SANBR: variants seen among roughly 807,000 people sequenced by gnomAD.
The protein encoded by SANBR is SANT and BTB domain regulator of CSR.
Under a neutral mutation model 101.8 loss-of-function variants are expected in SANBR, and 77 were observed. That is an observed-to-expected ratio of 0.76 (90% CI 0.63 to 0.91). SANBR has a LOEUF of 0.91. Ranked by LOEUF, SANBR falls within the 40% of genes least tolerant of loss-of-function variation. The pLI, the probability that SANBR is intolerant of heterozygous loss-of-function variation, is 0.00. For synonymous variants in SANBR, 279 were observed against 274.7 expected, an observed-to-expected ratio of 1.02 and a Z score of -0.15; for missense variants, 875 against 853.0, an observed-to-expected ratio of 1.03 and a Z score of -0.32.
At chr2:61,067,144 T>C (rs936478498) in intron 1 of SANBR, among the ~76,000 whole-genome samples, 1 of 152,224 alleles carries the variant, frequency 6.6e-6, no homozygotes, top group Non-Finnish European at 1.5e-5. Context: ...TCTGATTTCT[T>C]GGACATTCAT....
intron 1 of SANBR, among the ~76,000 whole-genome samples, chr2:61,067,164 A>G (rs568766569): frequency 6.6e-6 from 1 of 152,374 alleles, no homozygotes. Flanking sequence ...TTTAACTAGA[A>G]TTAATGCTGG....
intron 12 of SANBR, 42 bp downstream of exon 12, chr2:61,097,894 G>A (rs1469473099): frequency 2.0e-6 from 3 of 1,519,800 alleles, no homozygotes; most frequent in Admixed American, 3.6e-5. Flanking sequence ...AGTTTTTAAA[G>A]TATAACAGTA....
At chr2:61,105,663 G>A (rs2104935814) in intron 13 of SANBR, among the ~76,000 whole-genome samples, 1 of 108,814 alleles carries the variant, frequency 9.2e-6, no homozygotes, top group South Asian at 2.5e-4. Flanking sequence ...ACTGCGCCTG[G>A]CCGCACCCCC....
At chr2:61,119,850 T>C (rs1259478723) in intron 20 of SANBR, among the ~76,000 whole-genome samples, 3 of 152,102 alleles carry the variant, frequency 2.0e-5, no homozygotes, top group Non-Finnish European at 4.4e-5. Flanking sequence ...TAGTCCCAGC[T>C]ACTAGCGAGA....
At chr2:61,104,270 C>G (rs13424209) in intron 13 of SANBR, among the ~76,000 whole-genome samples, 10 of 152,004 alleles carry the variant, frequency 6.6e-5, no homozygotes, top group Non-Finnish European at 1.2e-4. Context: ...ATCACGAGGT[C>G]AGGAGATCGA....
At chr2:61,115,811 A>T (rs1684050104) in intron 16 of SANBR, 168 bp from the exon 17 acceptor site, 1 of 492,542 alleles carries the variant, frequency 2.0e-6, no homozygotes. Flanking sequence ...GAACCCCTGT[A>T]AAGCAATTTC....
chr2:61,123,755 A>G lies in SANBR; in HGVS notation c.*1593A>G. The G allele has an allele frequency of 1.0e-6, 1 of 985,570 alleles. No individual in the cohort carries two copies. The highest frequency in any genetic ancestry group is 1.2e-6 in the Non-Finnish European group (1 of 829,922). The allele number at this position is 985,570 out of a possible 1,614,324, so 61.1% of individuals were successfully genotyped here. A position where few individuals can be genotyped will look rare whatever the true frequency, so the allele number is the denominator to read the frequency against. On this transcript the variant is annotated 3_prime_UTR_variant, in exon 22 of 22. Coordinates refer to ENST00000402291, the MANE Select transcript of SANBR (RefSeq NM_001129993.3). ...TCCCCTGGGAGGCCTATACCACTGAATTAATTTTTACAAACCAGAGTTTAT... is the reference window on the plus strand; with the variant it reads ...TCCCCTGGGAGGCCTATACCACTGAGTTAATTTTTACAAACCAGAGTTTAT...
At chr2:61,133,412 T>C (rs1479470423) in intron 20 of SANBR, among the ~76,000 whole-genome samples, 1 of 152,146 alleles carries the variant, frequency 6.6e-6, no homozygotes, top group Non-Finnish European at 1.5e-5. Context: ...CTAAATGTCA[T>C]TAAATTGTAC....
intron 1 of SANBR, among the ~76,000 whole-genome samples, chr2:61,067,566 T>C (rs918346385): frequency 3.9e-5 from 6 of 152,196 alleles, no homozygotes; most frequent in Middle Eastern, 3.4e-3. Context: ...TGAAACCCTG[T>C]CTCTACTAAA....
intron 11 of SANBR, chr2:61,093,959 CAAAT>C (rs1403222152): frequency 4.0e-6 from 1 of 252,910 alleles, no homozygotes; most frequent in East Asian, 1.8e-4. Context: ...GAGTTTTCGA[CAAAT>C]AATTTCTTTT....
Position 61,067,685 on chromosome 2 carries a change from G to A in SANBR, c.-146-1164G>A, listed in dbSNP as rs536801585. The stretch of plus-strand genomic sequence containing the variant: ...CGGGAGGCGGAGGTTGCAGTGAGCC[G>A]AGATCGCGCCACTGCACTCTGGCCT... On this transcript the variant is annotated intron_variant, in intron 1 of 21. Transcript: ENST00000402291. Among the ~76,000 whole-genome samples the A allele has an allele frequency of 3.9e-5, 6 of 152,248 alleles. No individual in the cohort carries two copies. In the East Asian group the frequency reaches 1.2e-3, roughly 29 times the overall value.
chr2:61,121,670 T>C (rs1684336637), intron 21 of SANBR: 1 of 171,642 alleles, frequency 5.8e-6, no homozygotes, highest in South Asian at 1.6e-4. Context: ...ATCTAACTGA[T>C]GGGTCTTATG....
downstream of SANBR, among the ~76,000 whole-genome samples, chr2:61,125,603 CTCTT>C (rs1684491311): frequency 6.6e-6 from 1 of 152,188 alleles, no homozygotes; most frequent in Non-Finnish European, 1.5e-5. Flanking sequence ...AACAGCAGCT[CTCTT>C]TCTAAGATGT....
In SANBR at chr2:61,103,957, C is replaced by T. The variant is rs768461123; in HGVS notation, c.1470C>T (p.Tyr490=). 3.1e-6 allele frequency: 5 copies of T among 1,614,164 alleles called. No individual in the cohort carries two copies. Among genetic ancestry groups the T allele is most frequent in the Non-Finnish European group, 4.2e-6 (5 of 1,180,016 alleles). The change falls in exon 13 of 22, where the codon TAC becomes TAT. Residue 490 remains tyrosine, a synonymous_variant. Coordinates refer to ENST00000402291, the MANE Select transcript of SANBR (RefSeq NM_001129993.3). The part of the protein sequence containing the change: ...TARMLDDLHK[Y]RDVIVVPFSK... ...GAATGTTGGACGATTTGCACAAGTA[C>T]AGAGATGTCATTGTTGTGCCTTTTT...
chr2:61,128,730 G>A (rs1684589757), downstream of SANBR, among the ~76,000 whole-genome samples: 2 of 152,124 alleles, frequency 1.3e-5, no homozygotes, highest in South Asian at 4.1e-4. Flanking sequence ...CTGACCTCAG[G>A]TGATCCGTCT....
downstream of SANBR, among the ~76,000 whole-genome samples, chr2:61,128,797 C>G (rs1021083675): frequency 2.0e-5 from 3 of 151,610 alleles, no homozygotes; most frequent in Admixed American, 1.3e-4. Context: ...CCTGGCCTTA[C>G]AAATAAATTT....
intron 14 of SANBR, 81 bp from the exon 15 acceptor site, chr2:61,108,236 C>A: frequency 1.2e-6 from 1 of 837,822 alleles, no homozygotes; most frequent in Non-Finnish European, 1.9e-6. Flanking sequence ...TTTTTCAACT[C>A]TTCTACAGTA....
chr2:61,103,536 AC>A (rs1683396796), intron 12 of SANBR, among the ~76,000 whole-genome samples: 2 of 152,302 alleles, frequency 1.3e-5, no homozygotes, highest in East Asian at 3.9e-4. Context: ...GGAAGTAATT[AC>A]CACAAGCCAG....
At chr2:61,130,103 T>C (rs1182787121) in intron 20 of SANBR, among the ~76,000 whole-genome samples, 1 of 152,146 alleles carries the variant, frequency 6.6e-6, no homozygotes, top group Non-Finnish European at 1.5e-5. Flanking sequence ...TTCTCCATGC[T>C]TCCTATCTTT....
Sources: gnomAD v4.1 joint callset for allele counts (sites outside exome capture counted in the v4.1 genomes callset) on GRCh38, gnomAD v4.1.1 for gene constraint, MANE v1.5 for transcripts, NCBI Gene and HGNC (gene_info 2026-07-23, HGNC 2026-07-21) for gene names.